SRRM2: variants seen among roughly 807,000 people sequenced by gnomAD.
SRRM2 encodes serine/arginine repetitive matrix protein 2.
Under a neutral mutation model 213.8 loss-of-function variants are expected in SRRM2, and 30 were observed. The ratio of observed to expected loss-of-function variants is 0.14; its 90% CI spans 0.10 to 0.19. The LOEUF is 0.19. SRRM2 is among the 10% of genes least tolerant of loss of function. The pLI is 1.00. For missense variants in SRRM2, 4,904 were observed against 3,647.0 expected, an observed-to-expected ratio of 1.34 and a Z score of -8.88; for synonymous variants, 2,025 against 1,377.7, an observed-to-expected ratio of 1.47 and a Z score of -10.40.
At chr16:2,760,248 C>G (rs2068290965) in intron 9 of SRRM2, 53 bp from the exon 10 acceptor site, 1 of 1,558,924 alleles carries the variant, frequency 6.4e-7, no homozygotes, top group Admixed American at 1.8e-5. Context: ...GTTTTCTGTT[C>G]TCCCTTTGAG....
At position 2,764,703 on chromosome 16, in the gene SRRM2, A is replaced by G. The variant is rs1275200325; in HGVS notation, c.4175A>G (p.Glu1392Gly). The change falls in exon 11 of 15, where the codon GAA (glutamate) becomes GGA (glycine). Residue 1392 changes from glutamate (E) to glycine (G), a missense_variant. Physicochemically the swap from Glu to Gly is moderately conservative, Grantham distance 98. Transcript: ENST00000301740. The part of the protein sequence containing the change: ...SSSELSPDAV[E>G]KAGMSSNQSI... ...TCTGAGTTATCCCCAGATGCAGTGGAAAAGGCAGGGATGTCTTCAAATCAG... is the reference window on the plus strand; with the variant it reads ...TCTGAGTTATCCCCAGATGCAGTGGGAAAGGCAGGGATGTCTTCAAATCAG... 5.6e-6 allele frequency: 9 copies of G among 1,614,064 alleles called. No homozygotes were observed. The highest frequency in any genetic ancestry group is 2.2e-5 in the South Asian group (2 of 91,088).
chr16:2,766,778 AGTT>A lies in SRRM2; in HGVS notation c.6251_6253del (p.Ser2084_Ser2085delinsThr), dbSNP rs1437180572. 6.2e-7 allele frequency: 1 copy of A among 1,614,172 alleles called. No individual in the cohort carries two copies. The highest frequency in any genetic ancestry group is 1.7e-5 in the Admixed American group (1 of 60,020). On this transcript the variant is annotated inframe_deletion, in exon 11 of 15. Coordinates refer to ENST00000301740, the MANE Select transcript of SRRM2 (RefSeq NM_016333.4). This position sits in a 1 kb window ranked among gnomAD's most constrained non-coding sequence, Gnocchi z 7.0. ...CCGCAGGCGTTCTGCATCTGGAAGTAGTTCTGATCGTTCACGATCTGCTACTCC... is the reference window on the plus strand; with the variant it reads ...CCGCAGGCGTTCTGCATCTGGAAGTACTGATCGTTCACGATCTGCTACTCC...
At position 2,752,700 on chromosome 16, in the gene SRRM2, C is replaced by T. The variant is rs1341438458; in HGVS notation, c.-178C>T. 2.9e-6 allele frequency: 1 copy of T among 339,124 alleles called. No individual in the cohort carries two copies. Among genetic ancestry groups the T allele is most frequent in the Non-Finnish European group, 5.9e-6 (1 of 170,326 alleles). 21.0% of individuals were successfully genotyped at this position (339,124 alleles called of 1,614,324 possible). A position where few individuals can be genotyped will look rare whatever the true frequency, so the allele number is the denominator to read the frequency against. On this transcript the variant is annotated 5_prime_UTR_variant, in exon 1 of 15. Transcript: ENST00000301740. Reference sequence around the variant, plus strand: ...GGCGCAGTTGGAGCCCGTTGCGGCCCCTGAGGAAGCGAGGAGGCGTCGGCG... The same window carrying T: ...GGCGCAGTTGGAGCCCGTTGCGGCCTCTGAGGAAGCGAGGAGGCGTCGGCG...
At position 2,770,588 on chromosome 16, in the gene SRRM2, C is replaced by T. The variant is rs966889812; in HGVS notation, c.8136-16C>T. 2 of 1,553,002 alleles carry T rather than the reference C, an allele frequency of 1.3e-6. No individual in the cohort carries two copies. The highest frequency in any genetic ancestry group is 1.2e-5 in the South Asian group (1 of 84,366). ...GTGGTGCCACCCTGTGGCCTGATGT[C>T]TGTCCTGTGTTGCAGCAGCAGCAGT... is the stretch of plus-strand genomic sequence containing the variant. On this transcript the variant is annotated splice_polypyrimidine_tract_variant and intron_variant, in intron 13 of 14. Transcript: ENST00000301740.
Position 2,759,574 on chromosome 16 carries a change from G to C in SRRM2, c.746G>C (p.Arg249Pro). The C allele has an allele frequency of 6.2e-7, 1 of 1,614,110 alleles. No individual in the cohort carries two copies. The highest frequency in any genetic ancestry group is 8.5e-7 in the Non-Finnish European group (1 of 1,180,032). Reference sequence around the variant, plus strand: ...TGGTGGTGGTCTTCCTTCAGGTCTCGAAGTACAACACCAGCCCCCAAGAGC... The same window carrying C: ...TGGTGGTGGTCTTCCTTCAGGTCTCCAAGTACAACACCAGCCCCCAAGAGC... ...KSKDKKRKRS[R>P]STTPAPKSRR... Residue 249 changes from arginine (R) to proline (P), a missense_variant, in exon 9 of 15, where the codon CGA (arginine) becomes CCA (proline). Arg to Pro is a moderately radical substitution (Grantham distance 103). Coordinates refer to ENST00000301740, the MANE Select transcript of SRRM2 (RefSeq NM_016333.4).
Position 2,757,564 on chromosome 16 carries a change from C to T in SRRM2, c.335C>T (p.Pro112Leu), listed in dbSNP as rs1180456304. The change falls in exon 3 of 15, where the codon CCA becomes CTA. Residue 112 changes from proline to leucine, a missense_variant. Pro to Leu is a moderately conservative substitution (Grantham distance 98). Coordinates refer to ENST00000301740, the MANE Select transcript of SRRM2 (RefSeq NM_016333.4). The part of the protein sequence containing the change: ...DVNPGGKEET[P>L]GQRPAVTETH... ...AACCCTGGGGGCAAGGAGGAGACCC[C>T]AGGGCAGAGGCCAGCGTGAGTGTTG... 3 of 1,613,870 alleles carry T rather than the reference C, an allele frequency of 1.9e-6. No individual in the cohort carries two copies. Among genetic ancestry groups the T allele is most frequent in the Non-Finnish European group, 2.5e-6 (3 of 1,179,838 alleles).
intron 11 of SRRM2, chr16:2,768,762 C>G: frequency 1.3e-6 from 1 of 790,888 alleles, no homozygotes. Context: ...CAGGGACATT[C>G]TTGAGGTTTA....
Position 2,769,249 on chromosome 16 carries a change from T to C in SRRM2, c.7986T>C (p.Pro2662=). 1 of 1,572,986 alleles carries C rather than the reference T, an allele frequency of 6.4e-7. No homozygotes were observed. The highest frequency in any genetic ancestry group is 1.3e-5 in the African/African-American group (1 of 74,082). Residue 2662 remains proline, a synonymous_variant, in exon 12 of 15, where the codon CCT becomes CCC. Coordinates refer to ENST00000301740, the MANE Select transcript of SRRM2 (RefSeq NM_016333.4). The part of the protein sequence containing the change: ...AKPGPQALPK[P]ASPKKPPPGE... The stretch of plus-strand genomic sequence containing the variant: ...CTGGCCCTCAGGCCTTGCCCAAACC[T>C]GCAAGCCCCAAGAAGCCACCCCCTG...
Position 2,767,941 on chromosome 16 carries a change from G to T in SRRM2, c.7413G>T (p.Gly2471=). 1 of 1,614,142 alleles carries T rather than the reference G, an allele frequency of 6.2e-7. No homozygotes were observed. The highest frequency in any genetic ancestry group is 8.5e-7 in the Non-Finnish European group (1 of 1,180,028). ...TTGCCCAGACCACCCCTGTAGCAGG[G>T]TCTCAGTCCCTTTCCTCTGGGGCAG... ...CLIAQTTPVA[G]SQSLSSGAVA... The change falls in exon 11 of 15, where the codon GGG becomes GGT. Residue 2471 remains glycine, a synonymous_variant. Transcript: ENST00000301740.
rs776166306 is a variant in SRRM2, at chr16:2,756,419, G to A, written c.55G>A (p.Val19Ile). ...CCGGGGCAGCGGCACCAACGGCTAC[G>A]TCCAGCGCAACCTGTCCCTGGTGCG... ...TPRGSGTNGYVQRNLSLVRGR... is the reference protein window; with the variant it reads ...TPRGSGTNGYIQRNLSLVRGR... The change falls in exon 2 of 15, where the codon GTC becomes ATC. Residue 19 changes from valine to isoleucine, a missense_variant. Coordinates refer to ENST00000301740, the MANE Select transcript of SRRM2 (RefSeq NM_016333.4). The A allele has an allele frequency of 8.7e-6, 14 of 1,611,936 alleles. No individual in the cohort carries two copies. The highest frequency in any genetic ancestry group is 6.6e-5 in the South Asian group (6 of 90,962).
In SRRM2 at chr16:2,767,326, G is replaced by A. The variant is rs756452581; in HGVS notation, c.6798G>A (p.Ala2266=). ...ACTCTCGAACGCCAGCTGCAGCAGC[G>A]GCCATGAACTTGGCCAGCCCCAGAA... The part of the protein sequence containing the change: ...LADSRTPAAA[A]AMNLASPRTA... The change falls in exon 11 of 15, where the codon GCG becomes GCA. Residue 2266 remains alanine, a synonymous_variant. Transcript: ENST00000301740. 3.0e-5 allele frequency: 48 copies of A among 1,613,658 alleles called. No individual in the cohort carries two copies. The highest frequency in any genetic ancestry group is 2.1e-4 in the South Asian group (19 of 91,074).
chr16:2,769,632 C>A (rs1669378837), intron 12 of SRRM2: 1 of 578,066 alleles, frequency 1.7e-6, no homozygotes, highest in Non-Finnish European at 3.3e-6. Flanking sequence ...CCACAGCCTC[C>A]TCCCTGTCTC....
chr16:2,766,392 GCAGAAGGTC>G lies in SRRM2; in HGVS notation c.5869_5877del (p.Arg1957_Arg1959del), dbSNP rs1263881521. 1.9e-6 allele frequency: 3 copies of G among 1,613,990 alleles called. No homozygotes were observed. In the African/African-American group the frequency reaches 4.0e-5, roughly 22 times the overall value. On this transcript the variant is annotated inframe_deletion, in exon 11 of 15. Transcript: ENST00000301740. The surrounding 1 kb of genome is among the most constrained non-coding windows in gnomAD (Gnocchi z 7.0). ...CGTTCTAGAACTCCACCAGTGACTC[GCAGAAGGTC>G]CAGATCCAGGACTCCACCAGTAACC...
chr16:2,768,775 C>T, intron 11 of SRRM2: 6 of 848,182 alleles, frequency 7.1e-6, no homozygotes, highest in East Asian at 2.6e-5. Context: ...GAGGTTTAAC[C>T]TTGATCCCTT....
At position 2,763,102 on chromosome 16, in the gene SRRM2, C is replaced by T; in HGVS notation, c.2574C>T (p.Pro858=). Residue 858 remains proline (P), a synonymous_variant, in exon 11 of 15, where the codon CCC becomes CCT. Coordinates refer to ENST00000301740, the MANE Select transcript of SRRM2 (RefSeq NM_016333.4). ...CGAGGCAAGGGTCCATAACAAGTCC[C>T]CAGGCCAATGAGCAATCTGTAACGC... The part of the protein sequence containing the change: ...TPPRQGSITS[P]QANEQSVTPQ... 6.2e-7 allele frequency: 1 copy of T among 1,614,158 alleles called. No individual in the cohort carries two copies. Among genetic ancestry groups the T allele is most frequent in the South Asian group, 1.1e-5 (1 of 91,072 alleles).
chr16:2,766,375 A>G lies in SRRM2; in HGVS notation c.5847A>G (p.Arg1949=). 1 of 1,610,512 alleles carries G rather than the reference A, an allele frequency of 6.2e-7. No individual in the cohort carries two copies. Among genetic ancestry groups the G allele is most frequent in the Non-Finnish European group, 8.5e-7 (1 of 1,178,936 alleles). Residue 1949 remains arginine, a synonymous_variant, in exon 11 of 15, where the codon AGA becomes AGG. Transcript: ENST00000301740. The surrounding 1 kb of genome is among the most constrained non-coding windows in gnomAD (Gnocchi z 7.0). ...CAACACGCCGCCGCTCCCGTTCTAG[A>G]ACTCCACCAGTGACTCGCAGAAGGT... ...TPTTRRRSRS[R]TPPVTRRRSR...
rs1303401890 is a variant in SRRM2 at position 2,768,997 on chromosome 16, G to A, written c.7734G>A (p.Arg2578=). The A allele has an allele frequency of 6.2e-7, 1 of 1,613,102 alleles. No homozygotes were observed. The highest frequency in any genetic ancestry group is 1.7e-5 in the Admixed American group (1 of 59,958). The change falls in exon 12 of 15, where the codon AGG becomes AGA. Residue 2578 remains arginine (R), a splice_region_variant and synonymous_variant. Coordinates refer to ENST00000301740, the MANE Select transcript of SRRM2 (RefSeq NM_016333.4). ...TTGTGACACTCCTCTCCTCCCACAG[G>A]GTCCCCAGCCCCACCCCAGCCCCAA... ...LPVQPEVALK[R]VPSPTPAPKE...
rs2068518737 is a variant in SRRM2 at position 2,765,767 on chromosome 16, TCAG to T, written c.5241_5243del (p.Ala1748del). ...ATCGAGGTCTTCACGCCGACGGCGC[TCAG>T]CTTCATCTCCACGCACTAAGACAAC... On this transcript the variant is annotated inframe_deletion, in exon 11 of 15. Transcript: ENST00000301740. The T allele has an allele frequency of 1.2e-6, 2 of 1,614,024 alleles. No individual in the cohort carries two copies. The highest frequency in any genetic ancestry group is 4.5e-5 in the East Asian group (2 of 44,870).
Position 2,766,808 on chromosome 16 carries a change from C to T in SRRM2, c.6280C>T (p.Pro2094Ser), listed in dbSNP as rs151045014. ...SSDRSRSATPPATRNHSGSRT... is the reference protein window; with the variant it reads ...SSDRSRSATPSATRNHSGSRT... ...TGATCGTTCACGATCTGCTACTCCT[C>T]CAGCAACAAGAAATCATTCTGGTTC... The change falls in exon 11 of 15, where the codon CCA (proline) becomes TCA (serine). Residue 2094 changes from proline to serine, a missense_variant. Pro to Ser is a moderately conservative substitution (Grantham distance 74). Coordinates refer to ENST00000301740, the MANE Select transcript of SRRM2 (RefSeq NM_016333.4). This position sits in a 1 kb window ranked among gnomAD's most constrained non-coding sequence, Gnocchi z 7.0. The T allele has an allele frequency of 8.1e-6, 13 of 1,614,082 alleles. No homozygotes were observed. The highest frequency in any genetic ancestry group is 2.2e-5 in the East Asian group (1 of 44,894).
Sources: allele counts gnomAD v4.1 joint callset, GRCh38; gene constraint gnomAD v4.1.1; non-coding constraint Gnocchi (gnomAD v3.1); transcripts MANE v1.5; gene names NCBI Gene and HGNC (gene_info 2026-07-23, HGNC 2026-07-21).